Variants in AGMO observed in about 807,000 individuals in gnomAD.
AGMO encodes the protein glyceryl-ether monooxygenase.
A neutral mutation model predicts 60.2 loss-of-function variants in AGMO; 75 were observed. The ratio of observed to expected loss-of-function variants is 1.25; its 90% CI spans 1.03 to 1.51. The LOEUF is 1.51. Among genes scored for constraint, AGMO ranks in the 40% most tolerant of loss-of-function variants. The pLI is 0.00. For synonymous variants in AGMO, 261 were observed against 177.1 expected (o/e 1.47, Z -3.76); for missense variants, 763 against 525.5 (o/e 1.45, Z -4.42).
the AGMO span, among the ~76,000 whole-genome samples, chr7:15,156,921 A>G: frequency 1.3e-5 from 2 of 151,998 alleles, no homozygotes; most frequent in Non-Finnish European, 2.9e-5. Flanking sequence ...TTTGTTTTCT[A>G]TTGGCTTTCA....
At chr7:15,181,943 C>T in the AGMO span, among the ~76,000 whole-genome samples, 9 of 151,940 alleles carry the variant, frequency 5.9e-5, no homozygotes, top group Non-Finnish European at 1.3e-4. Flanking sequence ...TTCACAATAG[C>T]CAAAATGTGG....
At chr7:15,561,072 A>AT (rs1372993399) in intron 1 of AGMO, among the ~76,000 whole-genome samples, 1 of 151,902 alleles carries the variant, frequency 6.6e-6, no homozygotes, top group Non-Finnish European at 1.5e-5. Context: ...CTATGATGTC[A>AT]TTTTTTTTCT....
intron 3 of AGMO, among the ~76,000 whole-genome samples, chr7:15,459,408 G>T (rs1329020728): frequency 1.3e-5 from 2 of 152,110 alleles, no homozygotes; most frequent in African/African-American, 2.4e-5. Context: ...TTTTTGCAAG[G>T]CCTCAGGATG....
At chr7:15,155,797 G>C in the AGMO span, among the ~76,000 whole-genome samples, 3 of 152,118 alleles carry the variant, frequency 2.0e-5, no homozygotes, top group Non-Finnish European at 4.4e-5. Context: ...GCTGTCTTTT[G>C]TATGGGGCAT....
In AGMO at chr7:15,430,622, GT is replaced by G. The variant is rs747900856; in HGVS notation, c.513+382del. ...TTTTTTTAAAAAAAAAAAACAACTG[GT>G]TTTTTTTAAAAAAAAAAAAAAAACT... On this transcript the variant is annotated intron_variant, in intron 4 of 12. Coordinates refer to ENST00000342526, the MANE Select transcript of AGMO (RefSeq NM_001004320.2). Among the ~76,000 whole-genome samples, 615 of 107,364 alleles carry G rather than the reference GT, an allele frequency of 5.7e-3. 6 individuals are homozygous for G. Among genetic ancestry groups the G allele is most frequent in the African/African-American group, 0.022 (585 of 26,190 alleles). The allele number at this position is 107,364 out of a possible 152,430, so 70.4% of individuals were successfully genotyped here.
chr7:15,277,450 G>T (rs929613457), intron 12 of AGMO, among the ~76,000 whole-genome samples: 2 of 152,042 alleles, frequency 1.3e-5, no homozygotes, highest in Non-Finnish European at 2.9e-5. Context: ...ATTTCTCATA[G>T]TCCCAGAATT....
chr7:15,363,118 G>T (rs1294975078), intron 12 of AGMO, among the ~76,000 whole-genome samples: 1 of 152,150 alleles, frequency 6.6e-6, no homozygotes, highest in African/African-American at 2.4e-5. Flanking sequence ...ATGCATGTTA[G>T]CTCTTATAAA....
At chr7:15,155,300 A>T in the AGMO span, among the ~76,000 whole-genome samples, 39 of 150,540 alleles carry the variant, frequency 2.6e-4, no homozygotes, top group Non-Finnish European at 4.3e-4. Flanking sequence ...GCATTAAAAA[A>T]TTTTTTTCTT....
the AGMO span, among the ~76,000 whole-genome samples, chr7:15,162,332 G>T: frequency 7.9e-4 from 121 of 152,238 alleles, no homozygotes; most frequent in South Asian, 2.9e-3. Context: ...ACAACTCAAG[G>T]TAGGTTTCTG....
At chr7:15,400,626 T>C (rs1784526958) in intron 5 of AGMO, among the ~76,000 whole-genome samples, 2 of 152,078 alleles carry the variant, frequency 1.3e-5, no homozygotes, top group South Asian at 4.1e-4. Flanking sequence ...CTGGAGCTCT[T>C]GGAGTTTGAA....
intron 5 of AGMO, among the ~76,000 whole-genome samples, chr7:15,417,946 A>G (rs1246730841): frequency 6.6e-6 from 1 of 152,120 alleles, no homozygotes; most frequent in Non-Finnish European, 1.5e-5. Flanking sequence ...GATTGGTACA[A>G]ATATTCATAA....
At chr7:15,273,017 C>G (rs1190814118) in intron 12 of AGMO, among the ~76,000 whole-genome samples, 2 of 152,046 alleles carry the variant, frequency 1.3e-5, no homozygotes, top group Admixed American at 6.6e-5. Context: ...TTTGTAGATT[C>G]TGGATATTAG....
chr7:15,485,156 A>AAG (rs1554278096), intron 3 of AGMO, among the ~76,000 whole-genome samples: 6 of 150,662 alleles, frequency 4.0e-5, no homozygotes, highest in Non-Finnish European at 7.4e-5. Context: ...AAAAAAAAAA[A>AAG]AAAAGAAAAA....
intron 12 of AGMO, among the ~76,000 whole-genome samples, chr7:15,329,814 T>C (rs1781448062): frequency 6.6e-6 from 1 of 152,158 alleles, no homozygotes; most frequent in Non-Finnish European, 1.5e-5. Flanking sequence ...CAGATGCTAT[T>C]TGCTGAAGTG....
At chr7:15,173,618 G>C in the AGMO span, among the ~76,000 whole-genome samples, 1 of 151,686 alleles carries the variant, frequency 6.6e-6, no homozygotes, top group Admixed American at 6.6e-5. Context: ...AAATAGGTAA[G>C]GATAAAAACT....
chr7:15,402,778 G>T (rs558100473), intron 5 of AGMO, among the ~76,000 whole-genome samples: 1 of 151,048 alleles, frequency 6.6e-6, no homozygotes, highest in Non-Finnish European at 1.5e-5. Context: ...ATTTCAGAGC[G>T]TTAAAACCTG....
intron 3 of AGMO, among the ~76,000 whole-genome samples, chr7:15,471,057 C>T (rs888293222): frequency 6.6e-6 from 1 of 151,868 alleles, no homozygotes; most frequent in Non-Finnish European, 1.5e-5. Flanking sequence ...TATTGCAACT[C>T]CAGCACATTA....
the AGMO span, among the ~76,000 whole-genome samples, chr7:15,160,174 T>G: frequency 6.6e-6 from 1 of 152,156 alleles, no homozygotes; most frequent in South Asian, 2.1e-4. Flanking sequence ...TCAAGGGGAT[T>G]GATCACGGAA....
chr7:15,261,828 G>T (rs927173123), intron 12 of AGMO, among the ~76,000 whole-genome samples: 4 of 151,994 alleles, frequency 2.6e-5, no homozygotes, highest in African/African-American at 9.7e-5. Context: ...TCATACCAGG[G>T]ATGAAGGGAT....
Sources: allele counts gnomAD v4.1 joint callset (sites outside exome capture counted in the v4.1 genomes callset), GRCh38; gene constraint gnomAD v4.1.1; transcripts MANE v1.5; gene names NCBI Gene and HGNC (gene_info 2026-07-23, HGNC 2026-07-21).